MIIP: variants seen among roughly 807,000 people sequenced by gnomAD.
The protein encoded by MIIP is migration and invasion-inhibitory protein.
A neutral mutation model predicts 44.8 loss-of-function variants in MIIP; 44 were observed. That is an observed-to-expected ratio of 0.98 (90% CI 0.77 to 1.26). The LOEUF is 1.26. Ranked by LOEUF, MIIP falls within the 50% of genes most tolerant of loss-of-function variation. The probability of loss-of-function intolerance (pLI) is 0.00; values close to 1 mark genes in which losing one functional copy is unlikely to be tolerated. For synonymous variants in MIIP, 225 were observed against 218.3 expected (o/e 1.03, Z -0.27); for missense variants, 496 against 511.7 (o/e 0.97, Z 0.30).
chr1:12,022,022 C>G, intron 2 of MIIP, 73 bp from the exon 3 acceptor site: 2 of 1,513,238 alleles, frequency 1.3e-6, no homozygotes, highest in South Asian at 2.4e-5. Flanking sequence ...GGATGCTTGC[C>G]TTGGTGCCTG....
At chr1:12,020,002 G>C (rs1639936492) in intron 1 of MIIP, among the ~76,000 whole-genome samples, 1 of 152,238 alleles carries the variant, frequency 6.6e-6, no homozygotes. Context: ...GGGAGGTTCC[G>C]GGGTAGTCGG....
chr1:12,031,791 C>T lies in MIIP; in HGVS notation c.1150C>T (p.Pro384Ser). The T allele has an allele frequency of 1.2e-6, 2 of 1,613,908 alleles. No homozygotes were observed. The highest frequency in any genetic ancestry group is 1.7e-6 in the Non-Finnish European group (2 of 1,179,908). The part of the protein sequence containing the change: ...SVPQVPRPHV[P>S]RQKP ...GCCCCAGGTCCCTCGGCCCCACGTC[C>T]CACGGCAGAAGCCCTGAGGACTGAC... The change falls in exon 10 of 10, where the codon CCA (proline) becomes TCA (serine). Residue 384 changes from proline to serine, a missense_variant. Coordinates refer to ENST00000235332, the MANE Select transcript of MIIP (RefSeq NM_021933.4).
intron 4 of MIIP, among the ~76,000 whole-genome samples, chr1:12,025,904 G>A (rs866943297): frequency 1.3e-4 from 20 of 151,692 alleles, no homozygotes; most frequent in South Asian, 2.1e-4. Context: ...CACCATGTTG[G>A]CCAGGCTGGT....
chr1:12,022,727 A>T, intron 3 of MIIP, 106 bp from the exon 4 acceptor site: 1 of 902,100 alleles, frequency 1.1e-6, no homozygotes, highest in Non-Finnish European at 1.7e-6. Context: ...CTGGGCTGCA[A>T]GTCAGGGTGT....
intron 4 of MIIP, 118 bp downstream of exon 4, chr1:12,023,035 G>GCCATCCTC (rs1397014917): frequency 1.4e-6 from 1 of 695,936 alleles, no homozygotes; most frequent in East Asian, 2.9e-5. Context: ...CTCTGACCGT[G>GCCATCCTC]CCATCCTCCG....
intron 2 of MIIP, 73 bp from the exon 3 acceptor site, chr1:12,022,022 C>A (rs929043663): frequency 6.6e-7 from 1 of 1,513,238 alleles, no homozygotes; most frequent in Non-Finnish European, 9.0e-7. Context: ...GGATGCTTGC[C>A]TTGGTGCCTG....
At chr1:12,027,734 T>C (rs979781017) in intron 4 of MIIP, among the ~76,000 whole-genome samples, 5 of 152,138 alleles carry the variant, frequency 3.3e-5, no homozygotes, top group Non-Finnish European at 7.4e-5. Context: ...CCCACTGTCT[T>C]CTCCACATCA....
chr1:12,020,723 G>T (rs1240042910), intron 1 of MIIP, among the ~76,000 whole-genome samples: 2 of 151,770 alleles, frequency 1.3e-5, no homozygotes, highest in Non-Finnish European at 1.5e-5. Flanking sequence ...TCACCCTGTC[G>T]CCCAGGCTGG....
In MIIP at chr1:12,031,904, T is replaced by C; in HGVS notation, c.*96T>C. On this transcript the variant is annotated 3_prime_UTR_variant, in exon 10 of 10. Transcript: ENST00000235332. ...AGATGGAATCCCCTGCCCGCCCAGC[T>C]CAGGCCCAGCTGTCCTAGGTTGGGC... The C allele has an allele frequency of 7.8e-7, 1 of 1,285,610 alleles. No individual in the cohort carries two copies. The highest frequency in any genetic ancestry group is 1.1e-6 in the Non-Finnish European group (1 of 911,166). 79.6% of individuals were successfully genotyped at this position (1,285,610 alleles called of 1,614,324 possible).
intron 4 of MIIP, among the ~76,000 whole-genome samples, chr1:12,024,692 T>A (rs1032773809): frequency 1.3e-5 from 2 of 152,220 alleles, no homozygotes; most frequent in African/African-American, 4.8e-5. Flanking sequence ...ATTACAGGCG[T>A]GAGCCACTGC....
Position 12,023,104 on chromosome 1 carries a change from C to G in MIIP, c.547+187C>G, listed in dbSNP as rs1640020140. Among the ~76,000 whole-genome samples the G allele has an allele frequency of 2.0e-5, 3 of 149,732 alleles. 1 individual carries two copies. The highest frequency in any genetic ancestry group is 2.0e-4 in the Admixed American group (3 of 15,058). On this transcript the variant is annotated intron_variant, in intron 4 of 9. Coordinates refer to ENST00000235332, the MANE Select transcript of MIIP (RefSeq NM_021933.4). ...TTTGAGACGGAGTCTCACTCTGTCCCCCAGGCTGGAGTGCAGTAGTGTGAT... is the reference window on the plus strand; with the variant it reads ...TTTGAGACGGAGTCTCACTCTGTCCGCCAGGCTGGAGTGCAGTAGTGTGAT...
intron 2 of MIIP, 65 bp downstream of exon 2, chr1:12,021,905 T>A: frequency 7.1e-7 from 1 of 1,403,572 alleles, no homozygotes; most frequent in Non-Finnish European, 9.6e-7. Flanking sequence ...GCATCCAGGC[T>A]TCTGGGCTCA....
intron 3 of MIIP, 110 bp downstream of exon 3, chr1:12,022,552 C>T: frequency 1.1e-6 from 1 of 945,088 alleles, no homozygotes; most frequent in East Asian, 2.7e-5. Flanking sequence ...ATAAGAGGCT[C>T]CTGGGAGATA....
intron 4 of MIIP, among the ~76,000 whole-genome samples, chr1:12,023,652 ACAGGCATGAGCCAC>A (rs1467108840): frequency 4.8e-5 from 7 of 147,004 alleles, no homozygotes; most frequent in Admixed American, 4.1e-4. Flanking sequence ...TGCTGGGATT[ACAGGCATGAGCCAC>A]CATGCCCGGC....
At chr1:12,021,353 C>T (rs1639970044) in intron 1 of MIIP, among the ~76,000 whole-genome samples, 1 of 150,054 alleles carries the variant, frequency 6.7e-6, no homozygotes, top group Non-Finnish European at 1.5e-5. Context: ...GAGATTGCGC[C>T]ACTGCACTCC....
At position 12,022,919 on chromosome 1, in the gene MIIP, T is replaced by C; in HGVS notation, c.547+2T>C. 6.2e-7 allele frequency: 1 copy of C among 1,607,030 alleles called. No individual in the cohort carries two copies. Among genetic ancestry groups the C allele is most frequent in the Non-Finnish European group, 8.5e-7 (1 of 1,176,328 alleles). Reference sequence around the variant, plus strand: ...ACCTGGGCTATGACTGGATTGCAGGTAAGGCGTGCTGTTGCCCTGCACACA... The same window carrying C: ...ACCTGGGCTATGACTGGATTGCAGGCAAGGCGTGCTGTTGCCCTGCACACA... On this transcript the variant is annotated splice_donor_variant, in intron 4 of 9. Transcript: ENST00000235332. LOFTEE classifies it high-confidence loss of function.
chr1:12,023,668 A>G (rs1412645226), intron 4 of MIIP, among the ~76,000 whole-genome samples: 3 of 144,702 alleles, frequency 2.1e-5, no homozygotes, highest in Non-Finnish European at 4.5e-5. Flanking sequence ...ATGAGCCACC[A>G]TGCCCGGCTT....
At position 12,030,083 on chromosome 1, in the gene MIIP, C is replaced by T. The variant is rs143903150; in HGVS notation, c.901C>T (p.Arg301Ter). ...EPPHRYHIHR[R>*]KSFDASDTLA... is the part of the protein sequence containing the mutation. Reference sequence around the variant, plus strand: ...CCCGCACCGGTACCACATCCACCGGCGAAAGAGCTTTGACGCCTCTGACAC... The same window carrying T: ...CCCGCACCGGTACCACATCCACCGGTGAAAGAGCTTTGACGCCTCTGACAC... The change falls in exon 8 of 10, where the codon CGA (arginine) becomes TGA (stop). Residue 301 changes from arginine to a stop codon, truncating the protein, a stop_gained. Coordinates refer to ENST00000235332, the MANE Select transcript of MIIP (RefSeq NM_021933.4). LOFTEE classifies it high-confidence loss of function. The T allele has an allele frequency of 3.4e-5, 55 of 1,613,284 alleles. No individual in the cohort carries two copies. The highest frequency in any genetic ancestry group is 4.3e-5 in the Non-Finnish European group (51 of 1,179,972).
intron 8 of MIIP, among the ~76,000 whole-genome samples, chr1:12,030,468 C>T (rs1030637015): frequency 6.6e-6 from 1 of 151,938 alleles, no homozygotes; most frequent in African/African-American, 2.4e-5. Context: ...GTACCCCCAC[C>T]CTGCAGGTGG....
Sources: gnomAD v4.1 joint callset for allele counts (sites outside exome capture counted in the v4.1 genomes callset) on GRCh38, gnomAD v4.1.1 for gene constraint, MANE v1.5 for transcripts, NCBI Gene and HGNC (gene_info 2026-07-23, HGNC 2026-07-21) for gene names.